Variants in DOK5 observed in about 807,000 individuals in gnomAD.
The protein encoded by DOK5 is docking protein 5, also known as downstream of tyrosine kinase 5.
In DOK5, 27 loss-of-function variants were observed where a neutral mutation model predicts 43.3. The observed-to-expected ratio is 0.62, with a 90% confidence interval of 0.46 to 0.86. DOK5 has a LOEUF of 0.86. DOK5 is among the 40% of genes least tolerant of loss of function. DOK5 has a pLI of 0.00. For synonymous variants in DOK5, 146 were observed against 140.1 expected (o/e 1.04, Z -0.30); for missense variants, 373 against 392.9 (o/e 0.95, Z 0.43).
intron 6 of DOK5, among the ~76,000 whole-genome samples, chr20:54,620,749 C>G (rs1986951799): frequency 6.6e-6 from 1 of 152,044 alleles, no homozygotes; most frequent in African/African-American, 2.4e-5. Flanking sequence ...ATGATGCGTA[C>G]ACAAATGTTC....
At chr20:54,528,246 A>G (rs1388591837) in intron 1 of DOK5, among the ~76,000 whole-genome samples, 1 of 152,188 alleles carries the variant, frequency 6.6e-6, no homozygotes, top group African/African-American at 2.4e-5. Flanking sequence ...ACATGTATAG[A>G]TAAATAGGAA....
intron 1 of DOK5, among the ~76,000 whole-genome samples, chr20:54,508,324 T>G (rs1200623008): frequency 6.6e-6 from 1 of 151,782 alleles, no homozygotes; most frequent in Non-Finnish European, 1.5e-5. Flanking sequence ...CACACATAAA[T>G]AAAAGTTTCA....
rs1016648628 is a variant in DOK5 at position 54,526,902 on chromosome 20, A to G, written c.67-28031A>G. Among the ~76,000 whole-genome samples the G allele has an allele frequency of 8.5e-5, 13 of 152,230 alleles. 1 individual carries two copies. Among genetic ancestry groups the G allele is most frequent in the Admixed American group, 7.2e-4 (11 of 15,286 alleles). Reference sequence around the variant, plus strand: ...GCTTAACTAGAAGGAGGTAATATCTATGAAACAATGAGGTTATAGTTATTA... The same window carrying G: ...GCTTAACTAGAAGGAGGTAATATCTGTGAAACAATGAGGTTATAGTTATTA... On this transcript the variant is annotated intron_variant, in intron 1 of 7. Transcript: ENST00000262593.
At chr20:54,610,770 G>A (rs541689987) in intron 6 of DOK5, among the ~76,000 whole-genome samples, 51 of 152,258 alleles carry the variant, frequency 3.3e-4, no homozygotes, top group Non-Finnish European at 4.1e-4. Context: ...ACTAATTTGC[G>A]TGTGTACAGA....
chr20:54,481,933 T>G (rs1367119684), intron 1 of DOK5, among the ~76,000 whole-genome samples: 2 of 152,358 alleles, frequency 1.3e-5, no homozygotes, highest in South Asian at 4.1e-4. Flanking sequence ...AATTAATGTT[T>G]ATTAGGGCTC....
rs181223186 is a variant in DOK5, at chr20:54,611,421, T to C, written c.735+898T>C. Reference sequence around the variant, plus strand: ...TACAAAAATACAAAAATTAGCCAGGTGTGGTGGTATGCGACTGTAGTTCCG... The same window carrying C: ...TACAAAAATACAAAAATTAGCCAGGCGTGGTGGTATGCGACTGTAGTTCCG... On this transcript the variant is annotated intron_variant, in intron 6 of 7. Coordinates refer to ENST00000262593, the MANE Select transcript of DOK5 (RefSeq NM_018431.5). 3.7e-3 allele frequency among the ~76,000 whole-genome samples: 560 copies of C among 151,932 alleles called. 3 individuals carry two copies. Among genetic ancestry groups the C allele is most frequent in the African/African-American group, 0.013 (520 of 41,434 alleles).
intron 6 of DOK5, among the ~76,000 whole-genome samples, chr20:54,620,431 G>T (rs6064091): frequency 0.029 from 4,385 of 152,048 alleles, 162 homozygotes; most frequent in African/African-American, 0.084. Context: ...TAGACACAGG[G>T]TTTCACCATG....
chr20:54,590,724 G>GTT (rs1985953527), intron 4 of DOK5, among the ~76,000 whole-genome samples: 1 of 152,134 alleles, frequency 6.6e-6, no homozygotes, highest in South Asian at 2.1e-4. Flanking sequence ...ATAAAACAAT[G>GTT]TATTTAGAAT....
chr20:54,648,121 A>G (rs1305877691), intron 7 of DOK5, among the ~76,000 whole-genome samples: 1 of 152,188 alleles, frequency 6.6e-6, no homozygotes, highest in Admixed American at 6.5e-5. Context: ...AAGGGTTATT[A>G]ATGGGTCCAA....
intron 1 of DOK5, among the ~76,000 whole-genome samples, chr20:54,508,101 C>A (rs1294863324): frequency 6.6e-6 from 1 of 151,992 alleles, no homozygotes; most frequent in Non-Finnish European, 1.5e-5. Flanking sequence ...CTTACCCATG[C>A]CAAAGTTGGG....
rs533982941 is a variant in DOK5, at chr20:54,651,122, G to A, written c.*643G>A. Reference sequence around the variant, plus strand: ...CTTTTTGAAAGCCTTTATTTTGTTCGGAGTCTCTTCATAAAACATTTGAAA... The same window carrying A: ...CTTTTTGAAAGCCTTTATTTTGTTCAGAGTCTCTTCATAAAACATTTGAAA... On this transcript the variant is annotated 3_prime_UTR_variant, in exon 8 of 8. Coordinates refer to ENST00000262593, the MANE Select transcript of DOK5 (RefSeq NM_018431.5). 4.6e-5 allele frequency: 7 copies of A among 152,198 alleles called. No homozygotes were observed. The East Asian group carries it at 5.8e-4, about 13-fold the overall frequency. The allele number at this position is 152,198 out of a possible 1,614,324, so 9.4% of individuals were successfully genotyped here.
intron 7 of DOK5, among the ~76,000 whole-genome samples, chr20:54,645,703 C>T (rs1280729823): frequency 6.6e-6 from 1 of 151,944 alleles, no homozygotes; most frequent in African/African-American, 2.4e-5. Context: ...GGCCAATTGA[C>T]TCATGGTCAG....
chr20:54,525,940 C>T (rs578114087), intron 1 of DOK5, among the ~76,000 whole-genome samples: 95 of 152,206 alleles, frequency 6.2e-4, no homozygotes, highest in Admixed American at 1.4e-3. Context: ...CACAAATAGA[C>T]TTTTTGTTTT....
chr20:54,624,522 G>T (rs188643365), intron 6 of DOK5, among the ~76,000 whole-genome samples: 2 of 152,216 alleles, frequency 1.3e-5, no homozygotes, highest in African/African-American at 4.8e-5. Context: ...AAGAGAAAAA[G>T]AAAAATCGAA....
intron 1 of DOK5, among the ~76,000 whole-genome samples, chr20:54,519,899 C>T (rs1983333461): frequency 6.6e-6 from 1 of 152,182 alleles, no homozygotes; most frequent in Non-Finnish European, 1.5e-5. Context: ...TGACTCCAGG[C>T]TTTTAGTAAC....
At chr20:54,590,816 CTA>C (rs954704981) in intron 4 of DOK5, among the ~76,000 whole-genome samples, 1 of 152,106 alleles carries the variant, frequency 6.6e-6, no homozygotes, top group Non-Finnish European at 1.5e-5. Context: ...AATATGTTTG[CTA>C]TAGTAATATT....
At chr20:54,607,466 G>A (rs1986507200) in intron 5 of DOK5, among the ~76,000 whole-genome samples, 2 of 151,714 alleles carry the variant, frequency 1.3e-5, no homozygotes, top group African/African-American at 4.8e-5. Flanking sequence ...GGAGAGGGAA[G>A]TCCATGTACA....
chr20:54,493,960 A>G (rs969090579), intron 1 of DOK5, among the ~76,000 whole-genome samples: 2 of 152,140 alleles, frequency 1.3e-5, no homozygotes, highest in Admixed American at 1.3e-4. Context: ...TAAAAATTAA[A>G]TATTTCTATA....
chr20:54,601,702 G>A (rs1408862312), intron 5 of DOK5, among the ~76,000 whole-genome samples: 3 of 152,226 alleles, frequency 2.0e-5, no homozygotes, highest in Non-Finnish European at 4.4e-5. Context: ...GGGCCACAGT[G>A]TGGCCCTGCA....
Sources: allele counts gnomAD v4.1 joint callset (sites outside exome capture counted in the v4.1 genomes callset), GRCh38; gene constraint gnomAD v4.1.1; transcripts MANE v1.5; gene names NCBI Gene and HGNC (gene_info 2026-07-23, HGNC 2026-07-21).